Variants in WDR37 observed in about 807,000 individuals in gnomAD.
WDR37 encodes the protein WD repeat domain 37, also known as WD repeat-containing protein 37.
Under a neutral mutation model 62.9 loss-of-function variants are expected in WDR37, and 19 were observed. The ratio of observed to expected loss-of-function variants is 0.30; its 90% CI spans 0.21 to 0.44. WDR37 has a LOEUF of 0.44. Among genes scored for constraint, WDR37 ranks in the 20% least tolerant of loss-of-function variants. WDR37 has a pLI of 1.00. For synonymous variants in WDR37, 250 were observed against 260.9 expected, an observed-to-expected ratio of 0.96 and a Z score of 0.40; for missense variants, 474 against 657.6, an observed-to-expected ratio of 0.72 and a Z score of 3.05.
At chr10:1,091,293 G>A (rs543169823) in intron 7 of WDR37, among the ~76,000 whole-genome samples, 4 of 152,284 alleles carry the variant, frequency 2.6e-5, no homozygotes, top group East Asian at 3.9e-4. Flanking sequence ...ATTTCTCATC[G>A]AAATTGGAAG....
At chr10:1,108,599 C>G (rs1290424080) in intron 11 of WDR37, among the ~76,000 whole-genome samples, 2 of 152,208 alleles carry the variant, frequency 1.3e-5, no homozygotes, top group Non-Finnish European at 2.9e-5. Context: ...CTGAGTCCTG[C>G]AGAAGGGGAT....
chr10:1,125,499 C>T lies in WDR37; in HGVS notation c.1353+475C>T, dbSNP rs61016405. ...TGCTAGGATTACAGGCGTGAGCCAC[C>T]GTGCCCAGCCCAGTGTTCTTAATAC... On this transcript the variant is annotated intron_variant, in intron 13 of 13. Transcript: ENST00000263150. Among the ~76,000 whole-genome samples the T allele has an allele frequency of 2.8e-4, 43 of 152,294 alleles. No individual in the cohort carries two copies. In the East Asian group the frequency reaches 6.6e-3, roughly 23 times the overall value.
intron 1 of WDR37, among the ~76,000 whole-genome samples, chr10:1,070,994 A>C (rs1156898876): frequency 6.6e-6 from 1 of 152,258 alleles, no homozygotes; most frequent in African/African-American, 2.4e-5. Context: ...GGCACACCAG[A>C]AATAAGGTCT....
At chr10:1,072,078 G>A (rs1276258387) in intron 1 of WDR37, 38 bp from the exon 2 acceptor site, 18 of 1,512,514 alleles carry the variant, frequency 1.2e-5, no homozygotes, top group East Asian at 4.6e-5. Context: ...GTTTCAACTC[G>A]CTGTATCAGA....
intron 1 of WDR37, among the ~76,000 whole-genome samples, chr10:1,069,390 T>TATATATATATATATA (rs1491098746): frequency 0.013 from 605 of 46,842 alleles, no homozygotes; most frequent in Middle Eastern, 0.019. Context: ...TATATATATA[T>TATATATATATATATA]TTTTTTTTTT....
At chr10:1,074,615 CTGTGG>C in intron 2 of WDR37, 2 of 978,938 alleles carry the variant, frequency 2.0e-6, no homozygotes, top group Non-Finnish European at 2.8e-6. Flanking sequence ...CGGGAGAGAG[CTGTGG>C]TGTCTGCCGC....
chr10:1,069,389 A>ATTT (rs377212232), intron 1 of WDR37, among the ~76,000 whole-genome samples: 9 of 95,806 alleles, frequency 9.4e-5, no homozygotes, highest in African/African-American at 2.8e-4. Flanking sequence ...ATATATATAT[A>ATTT]TTTTTTTTTT....
In WDR37 at chr10:1,121,565, C is replaced by T. The variant is rs1835579575; in HGVS notation, c.1104-2653C>T. On this transcript the variant is annotated intron_variant, in intron 11 of 13. Coordinates refer to ENST00000263150, the MANE Select transcript of WDR37 (RefSeq NM_014023.4). The surrounding 1 kb of genome is among the most constrained non-coding windows in gnomAD (Gnocchi z 4.5). ...CGTAACCCGTGCTGCTCTCGTTACC[C>T]AGGCTGGGCGTTTGCTTGTGTCCTG... Among the ~76,000 whole-genome samples, 1 of 152,218 alleles carries T rather than the reference C, an allele frequency of 6.6e-6. No homozygotes were observed. The highest frequency in any genetic ancestry group is 1.5e-5 in the Non-Finnish European group (1 of 68,046).
At chr10:1,104,523 T>C (rs1834940967) in intron 10 of WDR37, among the ~76,000 whole-genome samples, 1 of 152,236 alleles carries the variant, frequency 6.6e-6, no homozygotes, top group Non-Finnish European at 1.5e-5. Flanking sequence ...ATATTCCCTT[T>C]GATGAAGTCA....
intron 7 of WDR37, among the ~76,000 whole-genome samples, chr10:1,087,788 C>G (rs1287119204): frequency 6.6e-6 from 1 of 152,206 alleles, no homozygotes; most frequent in Non-Finnish European, 1.5e-5. Context: ...AGTCACCAGC[C>G]GCATTCGCCC....
intron 1 of WDR37, among the ~76,000 whole-genome samples, chr10:1,069,391 T>TATATATATATATATA (rs200599689): frequency 5.3e-3 from 243 of 45,850 alleles, no homozygotes; most frequent in East Asian, 0.015. Flanking sequence ...ATATATATAT[T>TATATATATATATATA]TTTTTTTTTT....
Position 1,101,983 on chromosome 10 carries a change from C to T in WDR37, c.727-1619C>T, listed in dbSNP as rs185279788. ...TCTGCATCCATGTGATATGTGTTCCCGTGCTGCCCTGGGTCCCTGTGACGT... is the reference window on the plus strand; with the variant it reads ...TCTGCATCCATGTGATATGTGTTCCTGTGCTGCCCTGGGTCCCTGTGACGT... On this transcript the variant is annotated intron_variant, in intron 9 of 13. Coordinates refer to ENST00000263150, the MANE Select transcript of WDR37 (RefSeq NM_014023.4). Among the ~76,000 whole-genome samples the T allele has an allele frequency of 5.3e-5, 8 of 152,332 alleles. No individual in the cohort carries two copies. In the East Asian group the frequency reaches 1.5e-3, roughly 29 times the overall value.
intron 1 of WDR37, among the ~76,000 whole-genome samples, chr10:1,059,231 C>T (rs75431717): frequency 5.3e-5 from 8 of 152,074 alleles, no homozygotes; most frequent in African/African-American, 1.9e-4. Flanking sequence ...CAAAAATCAG[C>T]TGGGCATGGT....
chr10:1,103,653 G>A lies in WDR37; in HGVS notation c.778G>A (p.Asp260Asn), dbSNP rs1311664509. 2 of 1,614,236 alleles carry A rather than the reference G, an allele frequency of 1.2e-6. No homozygotes were observed. The highest frequency in any genetic ancestry group is 2.2e-5 in the East Asian group (1 of 44,892). Residue 260 changes from aspartate (D) to asparagine (N), a missense_variant, in exon 10 of 14, where the codon GAT (aspartate) becomes AAT (asparagine). Transcript: ENST00000263150. This position sits in a 1 kb window ranked among gnomAD's most constrained non-coding sequence, Gnocchi z 6.3. ...CTCTGACAAGGACGAGCCCGACCTCGATGGGGATGTGTCCAGCGACTGCCC... is the reference window on the plus strand; with the variant it reads ...CTCTGACAAGGACGAGCCCGACCTCAATGGGGATGTGTCCAGCGACTGCCC... ...ECSDKDEPDL[D>N]GDVSSDCPTI... is the part of the protein sequence containing the mutation.
At chr10:1,070,083 A>T (rs894182108) in intron 1 of WDR37, among the ~76,000 whole-genome samples, 1 of 151,818 alleles carries the variant, frequency 6.6e-6, no homozygotes, top group Admixed American at 6.6e-5. Context: ...GTGCATGCCT[A>T]TAGTCCCAGT....
intron 13 of WDR37, 152 bp from the exon 14 acceptor site, chr10:1,129,061 G>A (rs916542006): frequency 4.7e-5 from 51 of 1,073,982 alleles, no homozygotes; most frequent in Admixed American, 1.4e-4. Flanking sequence ...TTGGTGGTCC[G>A]TGCTCGGTGG....
chr10:1,056,919 T>C lies in WDR37; in HGVS notation c.-90T>C, dbSNP rs928175087. On this transcript the variant is annotated 5_prime_UTR_variant, in exon 1 of 14. Transcript: ENST00000263150. ...CCGCGTCGTAGGGACTCACTGGCGG[T>C]GCGCGACCTGGGCTGGCTCCGGGGG... 2 of 152,450 alleles carry C rather than the reference T, an allele frequency of 1.3e-5. No individual in the cohort carries two copies. The highest frequency in any genetic ancestry group is 1.3e-4 in the Admixed American group (2 of 15,280). The allele number at this position is 152,450 out of a possible 1,614,324, so 9.4% of individuals were successfully genotyped here.
chr10:1,115,103 A>C (rs1835348118), intron 11 of WDR37, among the ~76,000 whole-genome samples: 1 of 151,192 alleles, frequency 6.6e-6, no homozygotes, highest in Non-Finnish European at 1.5e-5. Context: ...ACTGGCCATT[A>C]AGCCTCCTCT....
At chr10:1,085,149 A>G (rs1455988415) in intron 6 of WDR37, among the ~76,000 whole-genome samples, 6 of 136,970 alleles carry the variant, frequency 4.4e-5, no homozygotes, top group Admixed American at 3.6e-4. Flanking sequence ...TTTTTTTTGT[A>G]TTTTTAGTAG....
Sources: allele counts gnomAD v4.1 joint callset (sites outside exome capture counted in the v4.1 genomes callset), GRCh38; gene constraint gnomAD v4.1.1; non-coding constraint Gnocchi (gnomAD v3.1); transcripts MANE v1.5; gene names NCBI Gene and HGNC (gene_info 2026-07-23, HGNC 2026-07-21).